ARHGAP24: variants seen among roughly 807,000 people sequenced by gnomAD.
ARHGAP24 encodes rho GTPase-activating protein 24.
A neutral mutation model predicts 76.4 loss-of-function variants in ARHGAP24; 50 were observed. That is an observed-to-expected ratio of 0.65 (90% confidence interval 0.52 to 0.83). ARHGAP24 has a LOEUF of 0.83. Among genes scored for constraint, ARHGAP24 ranks in the 40% least tolerant of loss-of-function variants. The probability of loss-of-function intolerance (pLI) is 0.00; values close to 1 mark genes in which losing one functional copy is unlikely to be tolerated. For synonymous variants in ARHGAP24, 345 were observed against 323.3 expected (o/e 1.07, Z -0.72); for missense variants, 930 against 914.2 (o/e 1.02, Z -0.22).
intron 5 of ARHGAP24, among the ~76,000 whole-genome samples, chr4:85,966,666 G>T (rs1205856663): frequency 6.6e-6 from 1 of 152,174 alleles, no homozygotes; most frequent in Non-Finnish European, 1.5e-5. Context: ...GCAGAGGACT[G>T]CTTAAGCAAG....
At position 85,487,463 on chromosome 4, in the gene ARHGAP24, CATATATTTATTACATATTATATAAACAT is replaced by C. The variant is rs1378656230; in HGVS notation, c.-21+11909_-21+11936del. ...ATATATTTATTATATATTATATAAA[CATATATTTATTACATATTATATAAACAT>C]ATATTTATTACATATTATATAAACA... On this transcript the variant is annotated intron_variant, in intron 1 of 9. Transcript: ENST00000395184. 1.3e-3 allele frequency among the ~76,000 whole-genome samples: 128 copies of C among 97,012 alleles called. 1 individual carries two copies. The highest frequency in any genetic ancestry group is 5.9e-3 in the East Asian group (19 of 3,202). 63.6% of individuals were successfully genotyped at this position (97,012 alleles called of 152,430 possible).
chr4:85,716,674 G>A (rs1724745022), intron 2 of ARHGAP24, among the ~76,000 whole-genome samples: 1 of 151,988 alleles, frequency 6.6e-6, no homozygotes, highest in Non-Finnish European at 1.5e-5. Context: ...GTAATTGATA[G>A]CTTTGTCACA....
intron 3 of ARHGAP24, among the ~76,000 whole-genome samples, chr4:85,847,827 G>A (rs1307829588): frequency 6.6e-6 from 1 of 152,056 alleles, no homozygotes; most frequent in Non-Finnish European, 1.5e-5. Context: ...GGGTAATGCT[G>A]CCCTCCAAAT....
At chr4:85,609,233 G>C (rs1720304570) in intron 2 of ARHGAP24, among the ~76,000 whole-genome samples, 1 of 152,094 alleles carries the variant, frequency 6.6e-6, no homozygotes, top group South Asian at 2.1e-4. Flanking sequence ...TAGAATATAT[G>C]GGGTATTGCC....
At chr4:85,936,440 C>T (rs1424238257) in intron 4 of ARHGAP24, among the ~76,000 whole-genome samples, 3 of 152,006 alleles carry the variant, frequency 2.0e-5, no homozygotes, top group African/African-American at 7.2e-5. Context: ...AGAATTAAAG[C>T]TTTGGAGTCC....
intron 2 of ARHGAP24, among the ~76,000 whole-genome samples, chr4:85,688,909 G>T (rs1290202344): frequency 6.6e-6 from 1 of 152,108 alleles, no homozygotes; most frequent in African/African-American, 2.4e-5. Context: ...TGGTCTGTGT[G>T]TCTGTTTTTG....
intron 1 of ARHGAP24, among the ~76,000 whole-genome samples, chr4:85,533,459 T>C (rs868331566): frequency 6.0e-4 from 92 of 152,188 alleles, no homozygotes; most frequent in African/African-American, 2.1e-3. Context: ...TTACTTGACA[T>C]GCATTCAGCA....
At chr4:85,990,027 T>G (rs1740230374) in intron 8 of ARHGAP24, 1 of 151,772 alleles carries the variant, frequency 6.6e-6, no homozygotes, top group Non-Finnish European at 1.5e-5. Flanking sequence ...ACAGTCAACA[T>G]GAACATCTAT....
intron 2 of ARHGAP24, among the ~76,000 whole-genome samples, chr4:85,628,709 A>G (rs918479913): frequency 2.0e-5 from 3 of 152,168 alleles, no homozygotes; most frequent in Admixed American, 6.5e-5. Flanking sequence ...ATTTACAATT[A>G]TTATGTCTTC....
At chr4:85,555,159 C>T (rs1158374216) in intron 1 of ARHGAP24, among the ~76,000 whole-genome samples, 1 of 152,148 alleles carries the variant, frequency 6.6e-6, no homozygotes, top group African/African-American at 2.4e-5. Flanking sequence ...AGAATTCCTG[C>T]TGTGAAACTA....
chr4:85,505,968 A>G (rs916018709), intron 1 of ARHGAP24, among the ~76,000 whole-genome samples: 6 of 151,962 alleles, frequency 3.9e-5, no homozygotes, highest in Non-Finnish European at 8.8e-5. Flanking sequence ...TTTTCCTTCT[A>G]GCAGTCAGGT....
intron 1 of ARHGAP24, among the ~76,000 whole-genome samples, chr4:85,564,499 A>G (rs1357784474): frequency 1.3e-5 from 2 of 151,804 alleles, no homozygotes; most frequent in African/African-American, 4.8e-5. Context: ...TATGTAACAA[A>G]CCTGCATGTT....
intron 1 of ARHGAP24, among the ~76,000 whole-genome samples, chr4:85,566,166 T>G (rs1726837587): frequency 6.6e-6 from 1 of 152,222 alleles, no homozygotes; most frequent in African/African-American, 2.4e-5. Flanking sequence ...TTTATTTAGA[T>G]TATTACTTTG....
chr4:85,999,172 C>T (rs1476551034), intron 9 of ARHGAP24, among the ~76,000 whole-genome samples: 2 of 152,092 alleles, frequency 1.3e-5, no homozygotes, highest in East Asian at 1.9e-4. Flanking sequence ...GGTTGTCCTT[C>T]TCAGTATTTT....
intron 3 of ARHGAP24, among the ~76,000 whole-genome samples, chr4:85,875,711 T>G (rs1732888904): frequency 7.3e-6 from 1 of 136,078 alleles, no homozygotes; most frequent in Non-Finnish European, 1.5e-5. Flanking sequence ...ATATATAATT[T>G]ATATATAAAA....
At position 85,775,826 on chromosome 4, in the gene ARHGAP24, G is replaced by A. The variant is rs563744632; in HGVS notation, c.268+53854G>A. ...GAAATCACTGGACAATGCAAAGCAAGAGAATAATGGAAAACCACTGGAAGG... is the reference window on the plus strand; with the variant it reads ...GAAATCACTGGACAATGCAAAGCAAAAGAATAATGGAAAACCACTGGAAGG... On this transcript the variant is annotated intron_variant, in intron 3 of 9. Transcript: ENST00000395184. 5.9e-5 allele frequency among the ~76,000 whole-genome samples: 9 copies of A among 152,242 alleles called. No homozygotes were observed. The South Asian group carries it at 1.9e-3, about 32-fold the overall frequency.
At chr4:85,730,434 TCTCA>T (rs57496751) in intron 3 of ARHGAP24, among the ~76,000 whole-genome samples, 34,240 of 151,948 alleles carry the variant, frequency 0.23, 4,165 homozygotes, top group East Asian at 0.36. Context: ...TGAGACAGGG[TCTCA>T]CTCTGTCACC....
intron 3 of ARHGAP24, among the ~76,000 whole-genome samples, chr4:85,730,199 C>T (rs535677582): frequency 4.7e-4 from 72 of 152,274 alleles, no homozygotes; most frequent in Middle Eastern, 3.4e-3. Context: ...TAGATTCTGA[C>T]CAGAACTGAA....
intron 2 of ARHGAP24, among the ~76,000 whole-genome samples, chr4:85,586,289 A>T (rs1224125372): frequency 6.6e-6 from 1 of 151,984 alleles, no homozygotes; most frequent in Non-Finnish European, 1.5e-5. Context: ...CTTAGCATGC[A>T]TAGGGAAAAG....
Sources: gnomAD v4.1 joint callset for allele counts (sites outside exome capture counted in the v4.1 genomes callset) on GRCh38, gnomAD v4.1.1 for gene constraint, MANE v1.5 for transcripts, NCBI Gene and HGNC (gene_info 2026-07-23, HGNC 2026-07-21) for gene names.